Variants in ELMOD1 observed in about 807,000 individuals in gnomAD.
The protein encoded by ELMOD1 is ELMO domain containing 1.
ELMOD1 carries 21 observed loss-of-function variants against 46.7 expected under a neutral mutation model. The observed-to-expected ratio is 0.45, with a 90% CI of 0.32 to 0.65. The LOEUF is 0.65. ELMOD1 is among the 30% of genes least tolerant of loss of function. The probability of loss-of-function intolerance (pLI) is 0.04; values close to 1 mark genes in which losing one functional copy is unlikely to be tolerated. For synonymous variants in ELMOD1, 122 were observed against 138.2 expected, an observed-to-expected ratio of 0.88 and a Z score of 0.82; for missense variants, 348 against 407.8, an observed-to-expected ratio of 0.85 and a Z score of 1.26.
chr11:107,623,715 T>A (rs1224002567), intron 2 of ELMOD1: 2 of 152,204 alleles, frequency 1.3e-5, no homozygotes, highest in Non-Finnish European at 2.9e-5. Context: ...TTCAACTTTC[T>A]GTTTTTACTG....
chr11:107,623,656 C>T (rs1348643634), intron 2 of ELMOD1: 1 of 152,202 alleles, frequency 6.6e-6, no homozygotes, highest in African/African-American at 2.4e-5. Context: ...TCTCCTCTGC[C>T]TCTCCAACAC....
chr11:107,635,682 A>G lies in ELMOD1; in HGVS notation c.337A>G (p.Arg113Gly). 1 of 1,613,986 alleles carries G rather than the reference A, an allele frequency of 6.2e-7. No individual in the cohort carries two copies. The highest frequency in any genetic ancestry group is 8.5e-7 in the Non-Finnish European group (1 of 1,179,870). Residue 113 changes from arginine to glycine, a missense_variant, in exon 6 of 12, where the codon AGG (arginine) becomes GGG (glycine). By Grantham distance (125) the Arg-to-Gly change is moderately radical. Transcript: ENST00000265840. The part of the protein sequence containing the change: ...QACLLQIVGY[R>G]NLIADVEKLR... The stretch of plus-strand genomic sequence containing the variant: ...TTGCCTTCTGCAAATCGTTGGGTAC[A>G]GGAACCTTATTGCAGATGTGGAAAA...
chr11:107,592,215 C>T (rs1865411605), intron 1 of ELMOD1: 2 of 398,686 alleles, frequency 5.0e-6, no homozygotes, highest in African/African-American at 2.2e-5. Flanking sequence ...AACGACCTCA[C>T]GGGCTCACTT....
chr11:107,664,876 A>T, intron 11 of ELMOD1, 149 bp from the exon 12 acceptor site: 1 of 694,466 alleles, frequency 1.4e-6, no homozygotes, highest in Non-Finnish European at 2.4e-6. Flanking sequence ...AATCTTAAAC[A>T]GTGGTATTTT....
intron 1 of ELMOD1, among the ~76,000 whole-genome samples, chr11:107,603,902 T>TA (rs1180978255): frequency 1.1e-4 from 17 of 148,594 alleles, no homozygotes; most frequent in African/African-American, 2.5e-4. Flanking sequence ...AATTAAAGAT[T>TA]AAAAAAAAAC....
At position 107,656,164 on chromosome 11, in the gene ELMOD1, G is replaced by GA. The variant is rs995921485; in HGVS notation, c.832+99dup. On this transcript the variant is annotated intron_variant, in intron 11 of 11. Coordinates refer to ENST00000265840, the MANE Select transcript of ELMOD1 (RefSeq NM_018712.4). ...GCACTTTGGGAGGCCAAGGCGAGTG[G>GA]ATTGCCTGAGCTCAGGAGTTCAAGA... 1.7e-5 allele frequency: 23 copies of GA among 1,315,146 alleles called. No individual in the cohort carries two copies. In the African/African-American group the frequency reaches 2.8e-4, roughly 16 times the overall value. The allele number at this position is 1,315,146 out of a possible 1,614,324, so 81.5% of individuals were successfully genotyped here. A position where few individuals can be genotyped will look rare whatever the true frequency, so the allele number is the denominator to read the frequency against.
chr11:107,612,541 A>G (rs759548071), intron 1 of ELMOD1, among the ~76,000 whole-genome samples: 9 of 152,190 alleles, frequency 5.9e-5, no homozygotes, highest in Non-Finnish European at 1.2e-4. Context: ...AATTCTCCCC[A>G]TGCTTAGGTC....
intron 1 of ELMOD1, among the ~76,000 whole-genome samples, chr11:107,616,152 C>T (rs1172216998): frequency 1.3e-5 from 2 of 151,736 alleles, no homozygotes; most frequent in Non-Finnish European, 2.9e-5. Flanking sequence ...CCCACCACCA[C>T]ACCTGGCTAA....
At chr11:107,646,082 A>G (rs1175289351) in intron 6 of ELMOD1, among the ~76,000 whole-genome samples, 1 of 152,246 alleles carries the variant, frequency 6.6e-6, no homozygotes, top group East Asian at 1.9e-4. Flanking sequence ...TAATGAAGAT[A>G]GAAGTCTAAA....
At chr11:107,623,483 ACT>A (rs1230367976) in intron 2 of ELMOD1, 1 of 152,240 alleles carries the variant, frequency 6.6e-6, no homozygotes, top group Admixed American at 6.5e-5. Context: ...AGCCACGGGC[ACT>A]CAATAAATGT....
At chr11:107,652,002 T>G (rs1435311010) in intron 9 of ELMOD1, among the ~76,000 whole-genome samples, 2 of 152,220 alleles carry the variant, frequency 1.3e-5, no homozygotes, top group Non-Finnish European at 2.9e-5. Context: ...AGCATTTGTG[T>G]GTGCATGCAT....
chr11:107,629,779 G>T (rs942961498), intron 2 of ELMOD1, among the ~76,000 whole-genome samples: 5 of 152,126 alleles, frequency 3.3e-5, no homozygotes, highest in Non-Finnish European at 4.4e-5. Flanking sequence ...AAGGTCAAGG[G>T]TGCTTGTTCA....
At chr11:107,650,309 AC>A (rs1565388448) in intron 7 of ELMOD1, 25 bp from the exon 8 acceptor site, 2 of 1,531,134 alleles carry the variant, frequency 1.3e-6, no homozygotes, top group Non-Finnish European at 1.8e-6. Flanking sequence ...GTATAGAGTT[AC>A]GGTTTTCTTT....
At chr11:107,643,089 C>A in intron 6 of ELMOD1, 1 of 196,660 alleles carries the variant, frequency 5.1e-6, no homozygotes. Context: ...CGCCTGTAAT[C>A]CCAGCAATTT....
intron 11 of ELMOD1, among the ~76,000 whole-genome samples, chr11:107,656,496 A>G (rs1021704416): frequency 8.7e-5 from 13 of 150,122 alleles, no homozygotes; most frequent in Non-Finnish European, 1.8e-4. Context: ...AGAGAGAGAG[A>G]GAAAGAGAAA....
intron 9 of ELMOD1, among the ~76,000 whole-genome samples, chr11:107,652,533 T>G (rs1378431360): frequency 6.6e-6 from 1 of 152,236 alleles, no homozygotes; most frequent in Non-Finnish European, 1.5e-5. Flanking sequence ...AGAGAAATGA[T>G]TTAATAAATA....
At chr11:107,593,985 A>C (rs941861384) in intron 1 of ELMOD1, among the ~76,000 whole-genome samples, 7 of 152,196 alleles carry the variant, frequency 4.6e-5, no homozygotes, top group Admixed American at 6.5e-5. Context: ...GTTTCACTTC[A>C]ACACATATTG....
chr11:107,615,457 T>A (rs1865846822), intron 1 of ELMOD1, among the ~76,000 whole-genome samples: 1 of 151,774 alleles, frequency 6.6e-6, no homozygotes, highest in African/African-American at 2.4e-5. Flanking sequence ...ATGGTCTCGA[T>A]CTCCTCACCT....
intron 1 of ELMOD1, among the ~76,000 whole-genome samples, chr11:107,613,536 T>C (rs1167383435): frequency 1.3e-5 from 2 of 152,166 alleles, no homozygotes; most frequent in African/African-American, 4.8e-5. Flanking sequence ...AGCACAATAT[T>C]GGACACATAA....
Sources: allele counts gnomAD v4.1 joint callset (sites outside exome capture counted in the v4.1 genomes callset), GRCh38; gene constraint gnomAD v4.1.1; transcripts MANE v1.5; gene names NCBI Gene and HGNC (gene_info 2026-07-23, HGNC 2026-07-21).